Variants in YAP1 observed in about 807,000 individuals in gnomAD.
The protein encoded by YAP1 is Yes1 associated transcriptional regulator.
YAP1 carries 5 observed loss-of-function variants against 56.9 expected under a neutral mutation model. The observed-to-expected ratio is 0.09, with a 90% CI of 0.05 to 0.18. The LOEUF (loss-of-function observed/expected upper bound fraction) is 0.18, where lower values mean the gene tolerates loss of function less well. YAP1 is among the 10% of genes least tolerant of loss of function. The probability of loss-of-function intolerance (pLI) is 1.00; values close to 1 mark genes in which losing one functional copy is unlikely to be tolerated. For missense variants in YAP1, 539 were observed against 651.8 expected, an observed-to-expected ratio of 0.83 and a Z score of 1.88; for synonymous variants, 265 against 248.1, an observed-to-expected ratio of 1.07 and a Z score of -0.64.
chr11:102,128,330 G>A (rs1034970774), intron 2 of YAP1, among the ~76,000 whole-genome samples: 19 of 152,028 alleles, frequency 1.2e-4, no homozygotes, highest in African/African-American at 3.6e-4. Flanking sequence ...AGTCTTTCCC[G>A]TGCTATTCTC....
chr11:102,184,737 G>A (rs1325307911), intron 3 of YAP1, among the ~76,000 whole-genome samples: 3 of 152,222 alleles, frequency 2.0e-5, no homozygotes, highest in Non-Finnish European at 4.4e-5. Flanking sequence ...AATACAGGAA[G>A]AAGGGAATTG....
intron 2 of YAP1, among the ~76,000 whole-genome samples, chr11:102,142,096 T>A (rs1303745834): frequency 6.6e-6 from 1 of 152,198 alleles, no homozygotes; most frequent in East Asian, 1.9e-4. Flanking sequence ...TTATCATTAA[T>A]CCAGAAGATT....
chr11:102,165,280 A>C (rs1946536124), intron 3 of YAP1, among the ~76,000 whole-genome samples: 1 of 152,132 alleles, frequency 6.6e-6, no homozygotes, highest in African/African-American at 2.4e-5. Flanking sequence ...GGATGGCTTG[A>C]GCCTGGGAAA....
intron 2 of YAP1, among the ~76,000 whole-genome samples, chr11:102,128,816 G>T (rs551965243): frequency 3.3e-5 from 5 of 152,224 alleles, no homozygotes; most frequent in East Asian, 1.9e-4. Flanking sequence ...CTATCTGTTC[G>T]TTTGCCATTT....
intron 4 of YAP1, among the ~76,000 whole-genome samples, chr11:102,188,763 A>G (rs976833646): frequency 1.3e-5 from 2 of 152,214 alleles, no homozygotes; most frequent in Non-Finnish European, 2.9e-5. Context: ...CAGTGACAGA[A>G]TTGCCAATGA....
intron 2 of YAP1, among the ~76,000 whole-genome samples, chr11:102,158,006 T>TGGCACAAA: frequency 6.6e-6 from 1 of 152,302 alleles, no homozygotes; most frequent in Non-Finnish European, 1.5e-5. Context: ...TTATATTAAA[T>TGGCACAAA]TCCTAACGCC....
intron 3 of YAP1, among the ~76,000 whole-genome samples, chr11:102,166,601 G>T (rs1416593429): frequency 6.6e-6 from 1 of 152,178 alleles, no homozygotes; most frequent in Non-Finnish European, 1.5e-5. Context: ...GTGAAGCAGG[G>T]TATCTACAGA....
chr11:102,120,657 A>G (rs111318939), intron 2 of YAP1, among the ~76,000 whole-genome samples: 1,635 of 152,288 alleles, frequency 0.011, 35 homozygotes, highest in African/African-American at 0.038. Flanking sequence ...TCTTCTTCCA[A>G]TTGATTGCTT....
intron 4 of YAP1, among the ~76,000 whole-genome samples, chr11:102,189,363 C>G (rs1466900848): frequency 6.6e-6 from 1 of 152,034 alleles, no homozygotes; most frequent in Non-Finnish European, 1.5e-5. Flanking sequence ...CTTTAAAACA[C>G]TAATAGTTGA....
chr11:102,155,113 A>C (rs544999875), intron 2 of YAP1, among the ~76,000 whole-genome samples: 1 of 152,286 alleles, frequency 6.6e-6, no homozygotes, highest in Non-Finnish European at 1.5e-5. Context: ...CCTAACTCCC[A>C]ACTTAAATAA....
chr11:102,193,845 T>G (rs1948431763), intron 4 of YAP1, among the ~76,000 whole-genome samples: 2 of 148,752 alleles, frequency 1.3e-5, no homozygotes, highest in African/African-American at 2.5e-5. Context: ...TGATTTTTGT[T>G]TTTTTTTTTT....
rs1233657941 is a variant in YAP1 at position 102,111,268 on chromosome 11, G to A, written c.321+99G>A. The stretch of plus-strand genomic sequence containing the variant: ...CCGCCAGCTCTGGTCAGGGGAGGGG[G>A]GTTGCGGGAACTCTAGCTGGGGTGG... On this transcript the variant is annotated intron_variant, in intron 1 of 8. Coordinates refer to ENST00000282441, the MANE Select transcript of YAP1 (RefSeq NM_001130145.3). 4.8e-6 allele frequency: 7 copies of A among 1,451,222 alleles called. No homozygotes were observed. In the Admixed American group the frequency reaches 8.2e-5, roughly 17 times the overall value. The allele number at this position is 1,451,222 out of a possible 1,614,324, so 89.9% of individuals were successfully genotyped here.
At position 102,110,821 on chromosome 11, in the gene YAP1, G is replaced by C; in HGVS notation, c.-28G>C. On this transcript the variant is annotated 5_prime_UTR_variant, in exon 1 of 9. Transcript: ENST00000282441. ...CGTAGCCCTCGCTCGCCTGGGTCAG[G>C]GGGTGCGCGTCGGGGGAGGCAGAAG... 6 of 1,373,190 alleles carry C rather than the reference G, an allele frequency of 4.4e-6. No homozygotes were observed. The highest frequency in any genetic ancestry group is 5.6e-6 in the Non-Finnish European group (6 of 1,064,638). The allele number at this position is 1,373,190 out of a possible 1,614,324, so 85.1% of individuals were successfully genotyped here.
At chr11:102,164,976 GC>G (rs1946515265) in intron 3 of YAP1, among the ~76,000 whole-genome samples, 1 of 152,118 alleles carries the variant, frequency 6.6e-6, no homozygotes, top group Admixed American at 6.6e-5. Context: ...CCTGTCTTCG[GC>G]CTCCCAAAGT....
chr11:102,120,546 A>G (rs376294420), intron 2 of YAP1, among the ~76,000 whole-genome samples: 4 of 152,254 alleles, frequency 2.6e-5, no homozygotes, highest in East Asian at 1.9e-4. Flanking sequence ...TTGTCTCTCT[A>G]TCTCTTTATG....
At chr11:102,149,055 T>C (rs1408150520) in intron 2 of YAP1, among the ~76,000 whole-genome samples, 1 of 152,214 alleles carries the variant, frequency 6.6e-6, no homozygotes, top group Non-Finnish European at 1.5e-5. Context: ...TGTTGCTATG[T>C]AGTTTTTGTT....
At chr11:102,227,863 G>A (rs1950269407) in intron 8 of YAP1, among the ~76,000 whole-genome samples, 1 of 151,986 alleles carries the variant, frequency 6.6e-6, no homozygotes, top group Non-Finnish European at 1.5e-5. Flanking sequence ...GAGCCCAGGA[G>A]TTCAAGACCA....
intron 6 of YAP1, among the ~76,000 whole-genome samples, chr11:102,212,581 T>C (rs1222067621): frequency 6.6e-6 from 1 of 151,972 alleles, no homozygotes; most frequent in African/African-American, 2.4e-5. Context: ...TTATTTTTAT[T>C]TTTATTTTTA....
intron 3 of YAP1, among the ~76,000 whole-genome samples, chr11:102,178,704 C>T (rs994516071): frequency 6.6e-6 from 1 of 152,188 alleles, no homozygotes; most frequent in African/African-American, 2.4e-5. Flanking sequence ...GCCTACTACT[C>T]TCTTTTTGCT....
Sources: allele counts gnomAD v4.1 joint callset (sites outside exome capture counted in the v4.1 genomes callset), GRCh38; gene constraint gnomAD v4.1.1; transcripts MANE v1.5; gene names NCBI Gene and HGNC (gene_info 2026-07-23, HGNC 2026-07-21).